CREB5: variants seen among roughly 807,000 people sequenced by gnomAD.
CREB5 encodes the protein cAMP responsive element binding protein 5.
In CREB5, 19 loss-of-function variants were observed where a neutral mutation model predicts 57.1. The ratio of observed to expected loss-of-function variants is 0.33; its 90% confidence interval spans 0.23 to 0.49. The LOEUF (loss-of-function observed/expected upper bound fraction) is 0.49, where lower values mean the gene tolerates loss of function less well. CREB5 is among the 20% of genes least tolerant of loss of function. CREB5 has a pLI of 0.99. For synonymous variants in CREB5, 238 were observed against 238.3 expected, an observed-to-expected ratio of 1.00 and a Z score of 0.01; for missense variants, 579 against 671.6, an observed-to-expected ratio of 0.86 and a Z score of 1.52.
chr7:28,582,406 G>T (rs1003749289), intron 5 of CREB5, among the ~76,000 whole-genome samples: 2 of 152,140 alleles, frequency 1.3e-5, no homozygotes, highest in African/African-American at 4.8e-5. Flanking sequence ...GTAGTGTATT[G>T]TTTGTATCAG....
At chr7:28,700,466 C>T (rs1249084158) in intron 5 of CREB5, among the ~76,000 whole-genome samples, 1 of 152,162 alleles carries the variant, frequency 6.6e-6, no homozygotes, top group Admixed American at 6.6e-5. Flanking sequence ...GCTAGGCTCT[C>T]AGCACAGTTC....
At chr7:28,336,411 G>T (rs1193592541) in intron 1 of CREB5, among the ~76,000 whole-genome samples, 1 of 151,892 alleles carries the variant, frequency 6.6e-6, no homozygotes, top group Non-Finnish European at 1.5e-5. Context: ...ATTTCTTCAT[G>T]GTTCAATCTT....
Position 28,447,490 on chromosome 7 carries a change from T to C in CREB5, c.3+34573T>C, listed in dbSNP as rs146948381. 2.2e-4 allele frequency among the ~76,000 whole-genome samples: 34 copies of C among 152,320 alleles called. No individual in the cohort carries two copies. In the East Asian group the frequency reaches 6.2e-3, roughly 28 times the overall value. On this transcript the variant is annotated intron_variant, in intron 1 of 10. Coordinates refer to ENST00000357727, the MANE Select transcript of CREB5 (RefSeq NM_182898.4). ...GTCTTAGGGTATTAGTGTGTTCATGTAGTCATTTGCCTCAGCTAAGCCCAA... is the reference window on the plus strand; with the variant it reads ...GTCTTAGGGTATTAGTGTGTTCATGCAGTCATTTGCCTCAGCTAAGCCCAA...
At chr7:28,428,303 T>G (rs1034103919) in intron 1 of CREB5, among the ~76,000 whole-genome samples, 4 of 152,146 alleles carry the variant, frequency 2.6e-5, no homozygotes, top group Non-Finnish European at 5.9e-5. Context: ...GATATTAATC[T>G]CAGCCAGGTA....
chr7:28,305,531 A>T (rs988472458), intron 1 of CREB5, among the ~76,000 whole-genome samples: 1 of 152,106 alleles, frequency 6.6e-6, no homozygotes, highest in Non-Finnish European at 1.5e-5. Context: ...AAGCTACTGC[A>T]TTCCCTTTGG....
intron 6 of CREB5, among the ~76,000 whole-genome samples, chr7:28,721,070 A>G (rs918893626): frequency 3.3e-5 from 5 of 152,178 alleles, no homozygotes; most frequent in African/African-American, 7.2e-5. Context: ...AACCTGTGAC[A>G]TTGATGTACA....
intron 9 of CREB5, among the ~76,000 whole-genome samples, chr7:28,815,319 T>C (rs1809369079): frequency 6.6e-6 from 1 of 152,148 alleles, no homozygotes; most frequent in African/African-American, 2.4e-5. Context: ...TTCACATATA[T>C]CTTTAAATGA....
chr7:28,336,559 G>A (rs1034320078), intron 1 of CREB5, among the ~76,000 whole-genome samples: 5 of 151,684 alleles, frequency 3.3e-5, no homozygotes, highest in African/African-American at 1.2e-4. Context: ...TTTCATGTCT[G>A]ATTTTGTTTA....
chr7:28,373,204 A>C (rs1290679917), intron 1 of CREB5, among the ~76,000 whole-genome samples: 2 of 152,228 alleles, frequency 1.3e-5, no homozygotes, highest in Non-Finnish European at 2.9e-5. Context: ...GGACATCAGA[A>C]GAGTAGGGGC....
At chr7:28,775,976 C>T (rs568194906) in intron 7 of CREB5, among the ~76,000 whole-genome samples, 1 of 152,070 alleles carries the variant, frequency 6.6e-6, no homozygotes. Context: ...GTAACTGCCC[C>T]GTGTGCACAG....
chr7:28,453,265 C>T (rs1433968559), intron 1 of CREB5, among the ~76,000 whole-genome samples: 2 of 151,982 alleles, frequency 1.3e-5, no homozygotes, highest in East Asian at 1.9e-4. Flanking sequence ...TAATAAGACC[C>T]CATCTCTACA....
At chr7:28,537,917 T>C (rs1794030768) in intron 4 of CREB5, among the ~76,000 whole-genome samples, 1 of 152,240 alleles carries the variant, frequency 6.6e-6, no homozygotes, top group African/African-American at 2.4e-5. Flanking sequence ...GACCTTTCAC[T>C]AGTAATTCTC....
chr7:28,446,254 G>A (rs1259107537), intron 1 of CREB5, among the ~76,000 whole-genome samples: 1 of 152,072 alleles, frequency 6.6e-6, no homozygotes, highest in Non-Finnish European at 1.5e-5. Context: ...CCAGCTCCAG[G>A]AAGCTATACA....
At chr7:28,390,730 T>C (rs1158083384) in intron 1 of CREB5, among the ~76,000 whole-genome samples, 1 of 152,132 alleles carries the variant, frequency 6.6e-6, no homozygotes, top group Non-Finnish European at 1.5e-5. Context: ...AGTGGGGTTT[T>C]CTCCTGATGG....
At chr7:28,743,417 C>T (rs1207291365) in intron 7 of CREB5, among the ~76,000 whole-genome samples, 1 of 152,072 alleles carries the variant, frequency 6.6e-6, no homozygotes, top group Non-Finnish European at 1.5e-5. Flanking sequence ...CCTGTAGTCC[C>T]AGCTACTTGG....
chr7:28,683,147 C>T (rs1171706434), intron 5 of CREB5, among the ~76,000 whole-genome samples: 2 of 152,252 alleles, frequency 1.3e-5, no homozygotes, highest in East Asian at 1.9e-4. Context: ...CTTCTATCTA[C>T]GAAGCCCCCC....
At chr7:28,796,100 C>T (rs1429886664) in intron 7 of CREB5, among the ~76,000 whole-genome samples, 4 of 152,168 alleles carry the variant, frequency 2.6e-5, no homozygotes, top group South Asian at 2.1e-4. Flanking sequence ...TTAGTACATT[C>T]GACGTGTTGT....
At chr7:28,378,501 G>T (rs1786892246) in intron 1 of CREB5, among the ~76,000 whole-genome samples, 1 of 151,990 alleles carries the variant, frequency 6.6e-6, no homozygotes, top group Non-Finnish European at 1.5e-5. Flanking sequence ...TTAAATGGAT[G>T]ATTTTATGTT....
intron 5 of CREB5, among the ~76,000 whole-genome samples, chr7:28,651,263 A>C (rs1166582239): frequency 6.6e-6 from 1 of 152,192 alleles, no homozygotes; most frequent in Non-Finnish European, 1.5e-5. Context: ...CTGTCCTTTC[A>C]GAATGTGATG....
Sources: allele counts gnomAD v4.1 joint callset (sites outside exome capture counted in the v4.1 genomes callset), GRCh38; gene constraint gnomAD v4.1.1; transcripts MANE v1.5; gene names NCBI Gene and HGNC (gene_info 2026-07-23, HGNC 2026-07-21).